MAP4: variants seen among roughly 807,000 people sequenced by gnomAD.
The protein encoded by MAP4 is microtubule-associated protein 4.
In MAP4, 76 loss-of-function variants were observed where a neutral mutation model predicts 170.2. That is an observed-to-expected ratio of 0.45 (90% CI 0.37 to 0.54). The LOEUF (loss-of-function observed/expected upper bound fraction) is 0.54. Ranked by LOEUF, MAP4 falls within the 20% of genes least tolerant of loss-of-function variation. MAP4 has a pLI of 0.00. For missense variants in MAP4, 2,506 were observed against 2,748.0 expected, an observed-to-expected ratio of 0.91 and a Z score of 1.97; for synonymous variants, 909 against 994.5, an observed-to-expected ratio of 0.91 and a Z score of 1.62.
Position 47,891,783 on chromosome 3 carries a change from G to C in MAP4, c.5434+11167C>G, listed in dbSNP as rs1002268411. On this transcript the variant is annotated intron_variant, in intron 10 of 20. Coordinates refer to ENST00000683076, the MANE Select transcript of MAP4 (RefSeq NM_001385682.1). Reference sequence around the variant, plus strand: ...TCAATAATGGGGGCTGGGTGGGCTAGAGACACCAGGAGTGGGGACTCACAC... The same window carrying C: ...TCAATAATGGGGGCTGGGTGGGCTACAGACACCAGGAGTGGGGACTCACAC... 3.3e-6 allele frequency: 5 copies of C among 1,536,342 alleles called. No homozygotes were observed. The African/African-American group carries it at 5.5e-5, about 17-fold the overall frequency.
chr3:47,865,624 C>A (rs2078087273), intron 17 of MAP4, among the ~76,000 whole-genome samples: 2 of 152,106 alleles, frequency 1.3e-5, no homozygotes, highest in South Asian at 2.1e-4. Context: ...AAGGAGGAGG[C>A]AGGAGTGTTA....
At position 47,916,443 on chromosome 3, in the gene MAP4, T is replaced by C. The variant is rs375263381; in HGVS notation, c.1384A>G (p.Lys462Glu). Residue 462 changes from lysine (K) to glutamate (E), a missense_variant, in exon 7 of 21, where the codon AAG (lysine) becomes GAG (glutamate). Transcript: ENST00000683076. ...GCTTCTAAAGGTAGTGCTTTATCCT[T>C]GGTCAAGATCACGTTGGTTTCCGGG... ...LPPETNVILTKDKALPLEAEV... is the reference protein window; with the variant it reads ...LPPETNVILTEDKALPLEAEV... The C allele has an allele frequency of 2.5e-6, 4 of 1,614,102 alleles. No homozygotes were observed. The African/African-American group carries it at 4.0e-5, about 16-fold the overall frequency.
chr3:48,000,218 C>A (rs1223945043), intron 1 of MAP4, among the ~76,000 whole-genome samples: 4 of 44,874 alleles, frequency 8.9e-5, no homozygotes, highest in African/African-American at 4.3e-4. Context: ...CCGACTCCCC[C>A]ATCAAAAAAA....
intron 9 of MAP4, 105 bp downstream of exon 9, chr3:47,908,933 C>G: frequency 1.7e-6 from 2 of 1,201,532 alleles, no homozygotes; most frequent in Non-Finnish European, 2.3e-6. Context: ...CAATGATTAA[C>G]AAGGATGATT....
At chr3:47,904,840 T>C (rs1370906728) in intron 9 of MAP4, among the ~76,000 whole-genome samples, 3 of 151,630 alleles carry the variant, frequency 2.0e-5, no homozygotes, top group Non-Finnish European at 4.4e-5. Flanking sequence ...TGGCTACTTT[T>C]TGTATTTTTA....
chr3:47,924,514 C>G (rs1029262545), intron 4 of MAP4, among the ~76,000 whole-genome samples: 3 of 152,144 alleles, frequency 2.0e-5, no homozygotes, highest in Admixed American at 6.5e-5. Flanking sequence ...TGGACCTCCT[C>G]TTTTTCACAC....
At chr3:48,049,998 A>G (rs1264044248) in intron 1 of MAP4, among the ~76,000 whole-genome samples, 2 of 150,376 alleles carry the variant, frequency 1.3e-5, no homozygotes, top group Non-Finnish European at 1.5e-5. Flanking sequence ...AGTGGCCCAT[A>G]CCTGTAATCC....
intron 1 of MAP4, among the ~76,000 whole-genome samples, chr3:48,063,558 T>TAG (rs1220688393): frequency 3.3e-5 from 5 of 152,204 alleles, no homozygotes; most frequent in African/African-American, 1.2e-4. Flanking sequence ...ACATTTATAG[T>TAG]AGCTTTATTC....
chr3:48,045,328 AAAG>A (rs1316181308), intron 1 of MAP4, among the ~76,000 whole-genome samples: 1 of 152,042 alleles, frequency 6.6e-6, no homozygotes, highest in African/African-American at 2.4e-5. Context: ...AGGAAAATTG[AAAG>A]AACAGGAAAA....
Position 47,870,832 on chromosome 3 carries a change from T to G in MAP4, c.6275A>C (p.His2092Pro), listed in dbSNP as rs760115078. The G allele has an allele frequency of 2.1e-5, 33 of 1,577,562 alleles. No homozygotes were observed. Among genetic ancestry groups the G allele is most frequent in the Non-Finnish European group, 2.6e-5 (30 of 1,159,554 alleles). The change falls in exon 15 of 21, where the codon CAT becomes CCT. Residue 2092 changes from histidine to proline, a missense_variant. By Grantham distance (77) the His-to-Pro change is moderately conservative. Around this residue, in one of 3 missense-constraint regions of MAP4, gnomAD observed 487 missense variants for 511.6 expected, o/e 0.95. Transcript: ENST00000683076. The stretch of plus-strand genomic sequence containing the variant: ...ACCCACCCGGCCTCCTCCAGGCTGA[T>G]GCTTGATGTTTTCCGTGGAGCCAAC... ...SKVGSTENIK[H>P]QPGGGRAKVE...
intron 3 of MAP4, among the ~76,000 whole-genome samples, chr3:47,970,591 C>T (rs1454730939): frequency 6.6e-6 from 1 of 151,996 alleles, no homozygotes; most frequent in Non-Finnish European, 1.5e-5. Flanking sequence ...AGGTGGATCA[C>T]CTGAGGTCAG....
intron 15 of MAP4, among the ~76,000 whole-genome samples, chr3:47,870,498 A>G (rs1282319976): frequency 6.6e-6 from 1 of 152,188 alleles, no homozygotes; most frequent in Non-Finnish European, 1.5e-5. Flanking sequence ...TCTCACTTGC[A>G]GAGTCTCTGA....
intron 10 of MAP4, among the ~76,000 whole-genome samples, chr3:47,879,694 G>T (rs1377180565): frequency 6.6e-6 from 1 of 152,016 alleles, no homozygotes; most frequent in African/African-American, 2.4e-5. Flanking sequence ...CACCACCTTA[G>T]CCTCCCAAAG....
rs1239421436 is a variant in MAP4, at chr3:47,870,825, A to G, written c.6282T>C (p.Pro2094=). 6.4e-7 allele frequency: 1 copy of G among 1,567,284 alleles called. No individual in the cohort carries two copies. The highest frequency in any genetic ancestry group is 8.7e-7 in the Non-Finnish European group (1 of 1,154,246). Residue 2094 remains proline (P), a synonymous_variant, in exon 15 of 21, where the codon CCT becomes CCC. Transcript: ENST00000683076. ...VGSTENIKHQ[P]GGGRAKVEKK... Reference sequence around the variant, plus strand: ...TCCCTGGACCCACCCGGCCTCCTCCAGGCTGATGCTTGATGTTTTCCGTGG... The same window carrying G: ...TCCCTGGACCCACCCGGCCTCCTCCGGGCTGATGCTTGATGTTTTCCGTGG...
At chr3:47,976,490 T>C (rs926648693) in intron 3 of MAP4, among the ~76,000 whole-genome samples, 35 of 152,246 alleles carry the variant, frequency 2.3e-4, no homozygotes, top group Non-Finnish European at 3.5e-4. Flanking sequence ...CTTACCCTGG[T>C]TAACTGGTTC....
At chr3:47,977,800 G>T in intron 3 of MAP4, 65 bp downstream of exon 3, 1 of 1,055,188 alleles carries the variant, frequency 9.5e-7, no homozygotes, top group Non-Finnish European at 1.5e-6. Context: ...CTTCAAAGGA[G>T]ATTATCAAGG....
chr3:47,870,795 C>T lies in MAP4; in HGVS notation c.6294+18G>A. 1 of 1,522,810 alleles carries T rather than the reference C, an allele frequency of 6.6e-7. No homozygotes were observed. The highest frequency in any genetic ancestry group is 8.8e-7 in the Non-Finnish European group (1 of 1,135,982). The allele number at this position is 1,522,810 out of a possible 1,614,324, so 94.3% of individuals were successfully genotyped here. ...TGCAGGGGCCAGCATGCCAGGACCC[C>T]AAGCTCCCTGGACCCACCCGGCCTC... is the stretch of plus-strand genomic sequence containing the variant. On this transcript the variant is annotated intron_variant, in intron 15 of 20. Coordinates refer to ENST00000683076, the MANE Select transcript of MAP4 (RefSeq NM_001385682.1).
chr3:47,980,964 TA>T (rs1434261315), intron 2 of MAP4, among the ~76,000 whole-genome samples: 1 of 152,202 alleles, frequency 6.6e-6, no homozygotes, highest in Non-Finnish European at 1.5e-5. Flanking sequence ...TTGACAAGGG[TA>T]ATTTCATTAC....
rs192998634 is a variant in MAP4 at position 47,990,646 on chromosome 3, G to C, written c.223+7992C>G. ...ATAAATGTGCTATTTGTGTCTGAGG[G>C]TCAATACTGTGCTAGATGATCATCT... On this transcript the variant is annotated intron_variant, in intron 2 of 20. Coordinates refer to ENST00000683076, the MANE Select transcript of MAP4 (RefSeq NM_001385682.1). Among the ~76,000 whole-genome samples the C allele has an allele frequency of 3.3e-5, 5 of 152,192 alleles. No individual in the cohort carries two copies. The East Asian group carries it at 9.6e-4, about 29-fold the overall frequency.
Sources: allele counts gnomAD v4.1 joint callset (sites outside exome capture counted in the v4.1 genomes callset), GRCh38; gene constraint gnomAD v4.1.1; regional missense constraint gnomAD v4.1.1; transcripts MANE v1.5; gene names NCBI Gene and HGNC (gene_info 2026-07-23, HGNC 2026-07-21).